Variants in SLC39A9 observed in about 807,000 individuals in gnomAD.
SLC39A9 encodes the protein zinc transporter ZIP9.
Under a neutral mutation model 28.4 loss-of-function variants are expected in SLC39A9, and 14 were observed. That is an observed-to-expected ratio of 0.49 (90% CI 0.33 to 0.77). The LOEUF is 0.77. Ranked by LOEUF, SLC39A9 falls within the 30% of genes least tolerant of loss-of-function variation. SLC39A9 has a pLI of 0.02. For missense variants in SLC39A9, 283 were observed against 381.1 expected (o/e 0.74, Z 2.14); for synonymous variants, 119 against 149.6 (o/e 0.80, Z 1.49).
chr14:69,405,522 C>A (rs956100848), intron 1 of SLC39A9, among the ~76,000 whole-genome samples: 2 of 152,096 alleles, frequency 1.3e-5, no homozygotes, highest in Non-Finnish European at 2.9e-5. Context: ...GAGGCTGAAG[C>A]TGGAAGTTTG....
At chr14:69,407,399 A>G (rs1011045386) in intron 1 of SLC39A9, among the ~76,000 whole-genome samples, 1 of 146,190 alleles carries the variant, frequency 6.8e-6, no homozygotes, top group Admixed American at 7.0e-5. Context: ...CTGCAATGGC[A>G]TGATCTTGAC....
chr14:69,442,749 A>G (rs1885107844), intron 3 of SLC39A9, among the ~76,000 whole-genome samples: 3 of 152,248 alleles, frequency 2.0e-5, no homozygotes, highest in South Asian at 2.1e-4. Context: ...TAAACAAGTT[A>G]GAGTTGAATT....
intron 3 of SLC39A9, among the ~76,000 whole-genome samples, chr14:69,452,052 G>A (rs768283016): frequency 6.6e-5 from 10 of 152,082 alleles, no homozygotes; most frequent in Non-Finnish European, 1.5e-4. Context: ...AAGTGGTTCT[G>A]TAGTTAGACT....
intron 2 of SLC39A9, among the ~76,000 whole-genome samples, chr14:69,440,205 G>A (rs1243926798): frequency 6.6e-6 from 1 of 152,076 alleles, no homozygotes; most frequent in Non-Finnish European, 1.5e-5. Flanking sequence ...AGAACCACTT[G>A]AACCCTGGAG....
At chr14:69,441,282 C>G (rs1885038344) in intron 2 of SLC39A9, among the ~76,000 whole-genome samples, 1 of 152,072 alleles carries the variant, frequency 6.6e-6, no homozygotes, top group African/African-American at 2.4e-5. Flanking sequence ...GACCTTGTCT[C>G]AATTTTTAAA....
chr14:69,407,518 GT>G lies in SLC39A9; in HGVS notation c.96+8055del, dbSNP rs534030908. 2.9e-3 allele frequency among the ~76,000 whole-genome samples: 447 copies of G among 151,812 alleles called. 3 individuals carry two copies. Among genetic ancestry groups the G allele is most frequent in the African/African-American group, 0.011 (435 of 41,386 alleles). Reference sequence around the variant, plus strand: ...ACGCCCCACTAATTTTGTATTTTTAGTTAGAGACAGGGTTTCTCCATGTTGG... The same window carrying G: ...ACGCCCCACTAATTTTGTATTTTTAGTAGAGACAGGGTTTCTCCATGTTGG... On this transcript the variant is annotated intron_variant, in intron 1 of 6. Transcript: ENST00000336643.
intron 3 of SLC39A9, among the ~76,000 whole-genome samples, chr14:69,448,067 T>G (rs1344895249): frequency 6.6e-6 from 1 of 151,468 alleles, no homozygotes; most frequent in Non-Finnish European, 1.5e-5. Context: ...ACAAAAAAAT[T>G]AGCCAGGCGT....
At chr14:69,428,371 A>G (rs1156499771) in intron 2 of SLC39A9, among the ~76,000 whole-genome samples, 1 of 152,182 alleles carries the variant, frequency 6.6e-6, no homozygotes, top group African/African-American at 2.4e-5. Flanking sequence ...GATGATGTTG[A>G]AAATGAAGCC....
chr14:69,403,898 T>A (rs572825229), intron 1 of SLC39A9, among the ~76,000 whole-genome samples: 1 of 151,662 alleles, frequency 6.6e-6, no homozygotes, highest in South Asian at 2.1e-4. Flanking sequence ...ACAAAATTAT[T>A]TGGGCGTGGT....
chr14:69,437,488 T>C (rs1360922882), intron 2 of SLC39A9, among the ~76,000 whole-genome samples: 1 of 152,242 alleles, frequency 6.6e-6, no homozygotes, highest in African/African-American at 2.4e-5. Flanking sequence ...CAGTGGGTGA[T>C]TGACGTCAAA....
chr14:69,455,780 G>C lies in SLC39A9; in HGVS notation c.607G>C (p.Glu203Gln). 1.2e-6 allele frequency: 2 copies of C among 1,614,220 alleles called. No homozygotes were observed. Among genetic ancestry groups the C allele is most frequent in the Non-Finnish European group, 1.7e-6 (2 of 1,180,044 alleles). ...TTCCTTCTTGATGCATGCTGGCTTA[G>C]AGCGGAATCGAATCAGAAAGCACTT... ...LVSFLMHAGL[E>Q]RNRIRKHLLV... The change falls in exon 6 of 7, where the codon GAG becomes CAG. Residue 203 changes from glutamate (E) to glutamine (Q), a missense_variant. By Grantham distance (29) the Glu-to-Gln change is conservative (BLOSUM62 2). Coordinates refer to ENST00000336643, the MANE Select transcript of SLC39A9 (RefSeq NM_018375.5).
chr14:69,421,172 G>A (rs1398256534), intron 1 of SLC39A9, among the ~76,000 whole-genome samples: 2 of 152,196 alleles, frequency 1.3e-5, no homozygotes, highest in Non-Finnish European at 2.9e-5. Context: ...CTACAGATGG[G>A]GTTTTGGTGT....
At chr14:69,453,423 A>G in intron 4 of SLC39A9, 114 bp downstream of exon 4, 2 of 920,550 alleles carry the variant, frequency 2.2e-6, no homozygotes, top group South Asian at 1.6e-5. Context: ...CTTTGAGGAA[A>G]AGGTTTCTTA....
chr14:69,454,574 A>G, intron 4 of SLC39A9: 1 of 358,220 alleles, frequency 2.8e-6, no homozygotes. Context: ...ACTAACATTG[A>G]ATACTCTGGG....
At position 69,443,907 on chromosome 14, in the gene SLC39A9, C is replaced by G. The variant is rs183309350; in HGVS notation, c.403+1641C>G. ...ATAATAAAAATAAAGGAAATGTGGC[C>G]AAGCGTGGTGGCTCATGCCTGTAAT... On this transcript the variant is annotated intron_variant, in intron 3 of 6. Transcript: ENST00000336643. Among the ~76,000 whole-genome samples, 1,477 of 151,636 alleles carry G rather than the reference C, an allele frequency of 9.7e-3. 10 individuals are homozygous for G. The highest frequency in any genetic ancestry group is 0.016 in the Non-Finnish European group (1,067 of 67,870).
rs764348954 is a variant in SLC39A9, at chr14:69,453,221, C to T, written c.404-20C>T. On this transcript the variant is annotated intron_variant, in intron 3 of 6. Coordinates refer to ENST00000336643, the MANE Select transcript of SLC39A9 (RefSeq NM_018375.5). ...TCTGTCTCACATAGCTTAACGCTGT[C>T]TTTCTCATTTTCACTTTAGATCCAG... The T allele has an allele frequency of 5.0e-6, 8 of 1,607,818 alleles. No individual in the cohort carries two copies. Among genetic ancestry groups the T allele is most frequent in the Non-Finnish European group, 6.8e-6 (8 of 1,174,532 alleles).
chr14:69,461,964 C>A lies in SLC39A9; in HGVS notation c.*3371C>A. On this transcript the variant is annotated 3_prime_UTR_variant, in exon 7 of 7. Transcript: ENST00000336643. ...AAATTTCTGCTCAATACAGAATGGTCCACATCACCCAAAGTGCACTGTTGG... is the reference window on the plus strand; with the variant it reads ...AAATTTCTGCTCAATACAGAATGGTACACATCACCCAAAGTGCACTGTTGG... 2.3e-6 allele frequency: 1 copy of A among 425,928 alleles called. No individual in the cohort carries two copies. The highest frequency in any genetic ancestry group is 4.2e-6 in the Non-Finnish European group (1 of 239,292). The allele number at this position is 425,928 out of a possible 1,614,324, so 26.4% of individuals were successfully genotyped here.
intron 1 of SLC39A9, among the ~76,000 whole-genome samples, chr14:69,418,294 C>G (rs1883684520): frequency 6.6e-6 from 1 of 151,696 alleles, no homozygotes. Context: ...TTGAACCAGC[C>G]TTGCATCCCA....
rs1048214032 is a variant in SLC39A9, at chr14:69,459,504, G to T, written c.*911G>T. 2 of 980,626 alleles carry T rather than the reference G, an allele frequency of 2.0e-6. No individual in the cohort carries two copies. Among genetic ancestry groups the T allele is most frequent in the African/African-American group, 3.5e-5 (2 of 56,694 alleles). The allele number at this position is 980,626 out of a possible 1,614,324, so 60.7% of individuals were successfully genotyped here. ...TTTTTGGATGGTTATTGATATCTTT[G>T]TAGTAGCTTTTTTTAAAAGACTACC... is the stretch of plus-strand genomic sequence containing the variant. On this transcript the variant is annotated 3_prime_UTR_variant, in exon 7 of 7. Coordinates refer to ENST00000336643, the MANE Select transcript of SLC39A9 (RefSeq NM_018375.5).
Sources: gnomAD v4.1 joint callset for allele counts (sites outside exome capture counted in the v4.1 genomes callset) on GRCh38, gnomAD v4.1.1 for gene constraint, MANE v1.5 for transcripts, NCBI Gene and HGNC (gene_info 2026-07-23, HGNC 2026-07-21) for gene names.